Variants in NSD3 observed in about 807,000 individuals in gnomAD.
NSD3 encodes histone-lysine N-methyltransferase NSD3.
Under a neutral mutation model 160.8 loss-of-function variants are expected in NSD3, and 24 were observed. The observed-to-expected ratio is 0.15, with a 90% CI of 0.11 to 0.21. The LOEUF is 0.21. NSD3 is among the 10% of genes least tolerant of loss of function. The probability of loss-of-function intolerance (pLI) is 1.00; values close to 1 mark genes in which losing one functional copy is unlikely to be tolerated. For missense variants in NSD3, 1,157 were observed against 1,735.9 expected (o/e 0.67, Z 5.93); for synonymous variants, 520 against 600.0 (o/e 0.87, Z 1.95).
At position 38,321,381 on chromosome 8, in the gene NSD3, CA is replaced by C. The variant is rs1809793266; in HGVS notation, c.1709-210del. ...GCTGATAAGCTGAGACTGGGATTCA[CA>C]AAGGGTCCTAAATTATACAAATAAA... On this transcript the variant is annotated intron_variant, in intron 7 of 23. Coordinates refer to ENST00000317025, the MANE Select transcript of NSD3 (RefSeq NM_023034.2). The surrounding 1 kb of genome is among the most constrained non-coding windows in gnomAD (Gnocchi z 4.7). Among the ~76,000 whole-genome samples, 1 of 152,090 alleles carries C rather than the reference CA, an allele frequency of 6.6e-6. No homozygotes were observed. Among genetic ancestry groups the C allele is most frequent in the African/African-American group, 2.4e-5 (1 of 41,404 alleles).
chr8:38,357,842 G>A (rs868635069), intron 1 of NSD3, among the ~76,000 whole-genome samples: 1 of 152,044 alleles, frequency 6.6e-6, no homozygotes, highest in Middle Eastern at 3.2e-3. Flanking sequence ...AGCTGCTGTG[G>A]GTCTTTGCAT....
intron 14 of NSD3, among the ~76,000 whole-genome samples, chr8:38,304,192 A>G (rs1809342122): frequency 6.6e-6 from 1 of 152,246 alleles, no homozygotes. Flanking sequence ...TTGCCTTCCA[A>G]GTGAAATCTC....
intron 4 of NSD3, among the ~76,000 whole-genome samples, chr8:38,332,099 A>AT (rs1810075460): frequency 6.6e-6 from 1 of 151,662 alleles, no homozygotes; most frequent in Non-Finnish European, 1.5e-5. Context: ...TTAATTAATA[A>AT]ATTTTTTTGT....
intron 12 of NSD3, among the ~76,000 whole-genome samples, chr8:38,312,337 T>C (rs1809553078): frequency 6.6e-6 from 1 of 152,226 alleles, no homozygotes; most frequent in Non-Finnish European, 1.5e-5. Flanking sequence ...AATTTTCTAA[T>C]AGATGTGTAC....
chr8:38,358,446 G>GTA (rs1810877530), intron 1 of NSD3, among the ~76,000 whole-genome samples: 1 of 152,148 alleles, frequency 6.6e-6, no homozygotes. Flanking sequence ...TGTTTCCATA[G>GTA]TAACAGGAAT....
intron 1 of NSD3, among the ~76,000 whole-genome samples, chr8:38,374,742 C>T (rs1467779017): frequency 1.3e-5 from 2 of 152,170 alleles, no homozygotes; most frequent in African/African-American, 2.4e-5. Context: ...CAGTGGCTCA[C>T]GCCTGTAATC....
rs1015164411 is a variant in NSD3 at position 38,271,653 on chromosome 8, A to G, written c.*3988T>C. The G allele has an allele frequency of 3.9e-5, 6 of 152,250 alleles. No individual in the cohort carries two copies. The highest frequency in any genetic ancestry group is 2.1e-4 in the South Asian group (1 of 4,830). The allele number at this position is 152,250 out of a possible 1,614,324, so 9.4% of individuals were successfully genotyped here. A position where few individuals can be genotyped will look rare whatever the true frequency, so the allele number is the denominator to read the frequency against. ...CAAAGGAAAGTGTTTCCATTCATCA[A>G]TTCATGTCTGCACCAACTTGGACAA... On this transcript the variant is annotated 3_prime_UTR_variant, in exon 24 of 24. Coordinates refer to ENST00000317025, the MANE Select transcript of NSD3 (RefSeq NM_023034.2).
chr8:38,311,000 T>G lies in NSD3; in HGVS notation c.2242+3647A>C, dbSNP rs889137995. On this transcript the variant is annotated intron_variant, in intron 12 of 23. Transcript: ENST00000317025. Reference sequence around the variant, plus strand: ...CCAACATGTTGTTTTCTTTTTTCTTTTTTTTTTGATACTATTCATTCTAAT... The same window carrying G: ...CCAACATGTTGTTTTCTTTTTTCTTGTTTTTTTGATACTATTCATTCTAAT... 2.0e-5 allele frequency among the ~76,000 whole-genome samples: 3 copies of G among 152,054 alleles called. No individual in the cohort carries two copies. In the South Asian group the frequency reaches 6.2e-4, roughly 31 times the overall value.
chr8:38,366,064 T>C (rs1277347184), intron 1 of NSD3, among the ~76,000 whole-genome samples: 1 of 137,960 alleles, frequency 7.2e-6, no homozygotes, highest in Non-Finnish European at 1.5e-5. Context: ...TGGGCCAAGA[T>C]CGCACCTCTG....
intron 1 of NSD3, among the ~76,000 whole-genome samples, chr8:38,373,841 T>TA (rs1230566118): frequency 7.2e-6 from 1 of 137,944 alleles, no homozygotes; most frequent in African/African-American, 2.8e-5. Flanking sequence ...CTCATGCCTA[T>TA]AATCCCAACA....
intron 23 of NSD3, 157 bp from the exon 24 acceptor site, chr8:38,276,039 G>A: frequency 2.5e-6 from 2 of 807,480 alleles, no homozygotes; most frequent in Non-Finnish European, 3.8e-6. Context: ...TGGGTGTACA[G>A]TTTAGGATGG....
Position 38,331,450 on chromosome 8 carries a change from T to C in NSD3, c.1046A>G (p.Asn349Ser), listed in dbSNP as rs1400545285. 4 of 1,605,702 alleles carry C rather than the reference T, an allele frequency of 2.5e-6. No homozygotes were observed. The highest frequency in any genetic ancestry group is 3.4e-6 in the Non-Finnish European group (4 of 1,176,562). The part of the protein sequence containing the change: ...LLAEATKQAS[N>S]HSEKQKIRKP... The stretch of plus-strand genomic sequence containing the variant: ...AGTTACCTTTTGTTTCTCAGAGTGA[T>C]TGCTGGCTTGTTTGGTTGCCTCAGC... Residue 349 changes from asparagine to serine, a missense_variant, in exon 5 of 24, where the codon AAT (asparagine) becomes AGT (serine). Transcript: ENST00000317025.
intron 1 of NSD3, among the ~76,000 whole-genome samples, chr8:38,353,932 C>A (rs1425218787): frequency 1.3e-5 from 2 of 152,158 alleles, no homozygotes; most frequent in African/African-American, 2.4e-5. Context: ...AACATCCTAC[C>A]GCCAGAGAAT....
rs573246607 is a variant in NSD3, at chr8:38,270,187, C to T, written c.*5454G>A. On this transcript the variant is annotated 3_prime_UTR_variant, in exon 24 of 24. Coordinates refer to ENST00000317025, the MANE Select transcript of NSD3 (RefSeq NM_023034.2). Reference sequence around the variant, plus strand: ...GTCACAGAAACTCAAAAGAGATTGACTTTAGTGAATATTGATGCTTTGTTA... The same window carrying T: ...GTCACAGAAACTCAAAAGAGATTGATTTTAGTGAATATTGATGCTTTGTTA... 6.6e-6 allele frequency: 1 copy of T among 152,202 alleles called. No individual in the cohort carries two copies. The highest frequency in any genetic ancestry group is 1.5e-5 in the Non-Finnish European group (1 of 68,042). 9.4% of individuals were successfully genotyped at this position (152,202 alleles called of 1,614,324 possible).
intron 1 of NSD3, among the ~76,000 whole-genome samples, chr8:38,376,280 T>C (rs1165970360): frequency 6.6e-6 from 1 of 152,192 alleles, no homozygotes; most frequent in African/African-American, 2.4e-5. Flanking sequence ...AAATATTTTA[T>C]GCATATATGT....
At chr8:38,279,868 C>T in intron 20 of NSD3, 187 bp from the exon 21 acceptor site, 1 of 582,398 alleles carries the variant, frequency 1.7e-6, no homozygotes, top group Non-Finnish European at 2.9e-6. Flanking sequence ...ACCTTCAAGT[C>T]AAAGTAATTA....
intron 1 of NSD3, among the ~76,000 whole-genome samples, chr8:38,364,768 TAA>T (rs1179495025): frequency 2.0e-5 from 3 of 152,250 alleles, no homozygotes; most frequent in Non-Finnish European, 4.4e-5. Context: ...AATCATTTTT[TAA>T]AGTCTTGTTA....
At chr8:38,276,803 G>A in intron 22 of NSD3, 1 of 375,854 alleles carries the variant, frequency 2.7e-6, no homozygotes, top group Non-Finnish European at 4.9e-6. Context: ...TCTTGTCTCA[G>A]CCTCCCAAGT....
chr8:38,365,160 C>T (rs1333891414), intron 1 of NSD3, among the ~76,000 whole-genome samples: 1 of 152,178 alleles, frequency 6.6e-6, no homozygotes, highest in Non-Finnish European at 1.5e-5. Context: ...AGAAACATTT[C>T]TATACAAAAT....
Sources: allele counts gnomAD v4.1 joint callset (sites outside exome capture counted in the v4.1 genomes callset), GRCh38; gene constraint gnomAD v4.1.1; non-coding constraint Gnocchi (gnomAD v3.1); transcripts MANE v1.5; gene names NCBI Gene and HGNC (gene_info 2026-07-23, HGNC 2026-07-21).